The following CTNNA3 variants were observed in gnomAD, a reference collection of about 807,000 sequenced individuals.
CTNNA3 encodes catenin alpha-3.
Under a neutral mutation model 95.7 loss-of-function variants are expected in CTNNA3, and 76 were observed. The observed-to-expected ratio is 0.79, with a 90% CI of 0.66 to 0.96. CTNNA3 has a LOEUF of 0.96. Ranked by LOEUF, CTNNA3 falls within the 40% of genes least tolerant of loss-of-function variation. CTNNA3 has a pLI of 0.00. For missense variants in CTNNA3, 1,191 were observed against 1,089.8 expected, an observed-to-expected ratio of 1.09 and a Z score of -1.31; for synonymous variants, 431 against 374.4, an observed-to-expected ratio of 1.15 and a Z score of -1.74.
intron 13 of CTNNA3, among the ~76,000 whole-genome samples, chr10:66,114,233 A>G (rs2082230033): frequency 6.6e-6 from 1 of 152,158 alleles, no homozygotes. Flanking sequence ...AAGGGAGTCT[A>G]ACTTAAAATT....
At chr10:67,402,564 T>A (rs1408401841) in intron 5 of CTNNA3, among the ~76,000 whole-genome samples, 1 of 152,018 alleles carries the variant, frequency 6.6e-6, no homozygotes, top group Non-Finnish European at 1.5e-5. Context: ...AAATAACCAA[T>A]CCACAGAAAA....
intron 7 of CTNNA3, among the ~76,000 whole-genome samples, chr10:66,782,654 C>T (rs775114912): frequency 1.3e-5 from 2 of 152,038 alleles, no homozygotes; most frequent in Non-Finnish European, 1.5e-5. Flanking sequence ...ACTATAACAC[C>T]TGAAACTCAA....
At position 67,126,415 on chromosome 10, in the gene CTNNA3, T is replaced by TGGGAG. The variant is rs777427194; in HGVS notation, c.1047+53901_1047+53902insCTCCC. On this transcript the variant is annotated intron_variant, in intron 7 of 17. Transcript: ENST00000433211. ...GGCGGCGCGTGCCTGTAATCCCAGC[T>TGGGAG]ACTCGGGAGACTGAGGCGGGAGAAT... Among the ~76,000 whole-genome samples the TGGGAG allele has an allele frequency of 5.3e-3, 808 of 152,262 alleles. 7 individuals carry two copies. The highest frequency in any genetic ancestry group is 0.014 in the Middle Eastern group (4 of 294).
At chr10:66,524,578 A>G (rs1315538265) in intron 10 of CTNNA3, among the ~76,000 whole-genome samples, 5 of 152,156 alleles carry the variant, frequency 3.3e-5, no homozygotes, top group Non-Finnish European at 1.5e-5. Flanking sequence ...TTGAACTAGA[A>G]TTTATGGAGA....
chr10:66,291,164 T>C (rs1311191720), intron 12 of CTNNA3, among the ~76,000 whole-genome samples: 3 of 152,132 alleles, frequency 2.0e-5, no homozygotes, highest in Non-Finnish European at 4.4e-5. Flanking sequence ...AACTTCCTGA[T>C]TGGGGGTCTC....
intron 11 of CTNNA3, among the ~76,000 whole-genome samples, chr10:66,427,509 G>A (rs2093252995): frequency 6.6e-6 from 1 of 152,008 alleles, no homozygotes; most frequent in Non-Finnish European, 1.5e-5. Context: ...TTAGACAAAT[G>A]AATTTTTGCA....
intron 13 of CTNNA3, among the ~76,000 whole-genome samples, chr10:66,264,071 A>T (rs2091084568): frequency 6.6e-6 from 1 of 151,942 alleles, no homozygotes; most frequent in African/African-American, 2.4e-5. Flanking sequence ...ATTACATCCT[A>T]AGAAAAAAAC....
intron 7 of CTNNA3, among the ~76,000 whole-genome samples, chr10:66,977,371 G>A (rs1294216040): frequency 2.0e-5 from 3 of 151,830 alleles, no homozygotes; most frequent in African/African-American, 7.3e-5. Flanking sequence ...GGGAAGCAGA[G>A]GTTGCAGTGA....
At chr10:67,727,180 TTA>T (rs977099463) in intron 1 of CTNNA3, among the ~76,000 whole-genome samples, 3 of 125,588 alleles carry the variant, frequency 2.4e-5, no homozygotes, top group Admixed American at 9.5e-5. Context: ...GATACATATA[TTA>T]TATATATTAT....
chr10:66,230,252 T>C (rs2089521523), intron 13 of CTNNA3, among the ~76,000 whole-genome samples: 1 of 152,206 alleles, frequency 6.6e-6, no homozygotes, highest in Non-Finnish European at 1.5e-5. Flanking sequence ...AATGCCATGT[T>C]TCTTTGCTCT....
intron 11 of CTNNA3, among the ~76,000 whole-genome samples, chr10:66,502,771 G>T (rs977833437): frequency 2.0e-5 from 3 of 151,830 alleles, no homozygotes; most frequent in African/African-American, 7.3e-5. Context: ...TTTTCCTTAT[G>T]AATATGTGCA....
chr10:67,742,179 C>A (rs1265689512), intron 1 of CTNNA3, among the ~76,000 whole-genome samples: 1 of 151,072 alleles, frequency 6.6e-6, no homozygotes, highest in Non-Finnish European at 1.5e-5. Flanking sequence ...ACTTTCCACC[C>A]CAAATCAACA....
intron 13 of CTNNA3, among the ~76,000 whole-genome samples, chr10:66,244,636 A>T (rs10997005): frequency 0.21 from 32,569 of 152,162 alleles, 3,677 homozygotes; most frequent in South Asian, 0.29. Context: ...TATCCAAGAC[A>T]ACAAAGGCGG....
At chr10:66,981,301 C>T (rs559613638) in intron 7 of CTNNA3, among the ~76,000 whole-genome samples, 1 of 152,246 alleles carries the variant, frequency 6.6e-6, no homozygotes, top group East Asian at 1.9e-4. Flanking sequence ...GTTTTCTTTA[C>T]ACCTTCATCT....
intron 13 of CTNNA3, among the ~76,000 whole-genome samples, chr10:66,270,173 T>A (rs1367318325): frequency 6.7e-6 from 1 of 149,840 alleles, no homozygotes; most frequent in Non-Finnish European, 1.5e-5. Context: ...AATGTCCAAT[T>A]TGGAAACCAA....
chr10:67,721,145 T>C (rs1390802780), intron 1 of CTNNA3, among the ~76,000 whole-genome samples: 1 of 152,176 alleles, frequency 6.6e-6, no homozygotes, highest in Non-Finnish European at 1.5e-5. Context: ...TTAGGGTTGC[T>C]CTTCTCAAGG....
intron 5 of CTNNA3, among the ~76,000 whole-genome samples, chr10:67,496,441 C>T (rs1839026465): frequency 6.6e-6 from 1 of 150,698 alleles, no homozygotes; most frequent in African/African-American, 2.5e-5. Context: ...AATGCACTTG[C>T]CTTTTTAAAA....
chr10:66,001,506 C>A (rs934848910), intron 15 of CTNNA3, among the ~76,000 whole-genome samples: 2 of 152,090 alleles, frequency 1.3e-5, no homozygotes, highest in African/African-American at 2.4e-5. Context: ...GTCTGCATCC[C>A]AGGACTGCCA....
At chr10:66,153,406 A>G (rs1041782377) in intron 13 of CTNNA3, among the ~76,000 whole-genome samples, 3 of 151,886 alleles carry the variant, frequency 2.0e-5, no homozygotes, top group African/African-American at 7.3e-5. Flanking sequence ...GAAAGATACT[A>G]TTTTTATATT....
Sources: allele counts gnomAD v4.1 joint callset (sites outside exome capture counted in the v4.1 genomes callset), GRCh38; gene constraint gnomAD v4.1.1; transcripts MANE v1.5; gene names NCBI Gene and HGNC (gene_info 2026-07-23, HGNC 2026-07-21).